The following TYW1B variants were observed in gnomAD, a reference collection of about 807,000 sequenced individuals.
The protein encoded by TYW1B is S-adenosyl-L-methionine-dependent tRNA 4-demethylwyosine synthase TYW1B.
TYW1B carries 73 observed loss-of-function variants against 86.9 expected under a neutral mutation model. That is an observed-to-expected ratio of 0.84 (90% CI 0.70 to 1.02). The LOEUF is 1.02. Among genes scored for constraint, TYW1B ranks in the 50% least tolerant of loss-of-function variants. TYW1B has a pLI of 0.00. For missense variants in TYW1B, 637 were observed against 827.4 expected, an observed-to-expected ratio of 0.77 and a Z score of 2.82; for synonymous variants, 248 against 292.8, an observed-to-expected ratio of 0.85 and a Z score of 1.56.
intron 9 of TYW1B, among the ~76,000 whole-genome samples, chr7:72,722,536 A>C (rs1254156467): frequency 1.3e-5 from 2 of 152,186 alleles, no homozygotes; most frequent in Non-Finnish European, 2.9e-5. Context: ...ATGCAAAGTT[A>C]ATTTTGTATG....
At chr7:72,696,792 T>C (rs1554451586) in intron 10 of TYW1B, among the ~76,000 whole-genome samples, 1 of 152,170 alleles carries the variant, frequency 6.6e-6, no homozygotes, top group African/African-American at 2.4e-5. Flanking sequence ...TCTGACCAAA[T>C]GTAGGACAGA....
At chr7:72,607,393 C>CAAAAAAAAAAAAAAAA (rs57281644) in intron 13 of TYW1B, among the ~76,000 whole-genome samples, 13 of 76,182 alleles carry the variant, frequency 1.7e-4, no homozygotes, top group East Asian at 1.2e-3. Context: ...TTCTGTCTCT[C>CAAAAAAAAAAAAAAAA]AAAAAAAAAA....
At chr7:72,593,776 C>A (rs1261011372) in intron 13 of TYW1B, among the ~76,000 whole-genome samples, 2 of 131,600 alleles carry the variant, frequency 1.5e-5, no homozygotes, top group African/African-American at 5.8e-5. Context: ...GAGCTGAGAT[C>A]ACGCCACTGC....
intron 7 of TYW1B, among the ~76,000 whole-genome samples, chr7:72,751,290 G>A (rs1033310850): frequency 7.9e-5 from 12 of 151,914 alleles, no homozygotes; most frequent in Admixed American, 3.3e-4. Context: ...CACCCGCCTC[G>A]GCCTCCTAAA....
chr7:72,643,573 C>T (rs1215934936), intron 11 of TYW1B, among the ~76,000 whole-genome samples: 1 of 151,166 alleles, frequency 6.6e-6, no homozygotes, highest in Non-Finnish European at 1.5e-5. Flanking sequence ...GGCAACAGAG[C>T]CAGACTCCAT....
At chr7:72,578,104 C>A (rs557877354) in intron 13 of TYW1B, among the ~76,000 whole-genome samples, 11 of 148,294 alleles carry the variant, frequency 7.4e-5, no homozygotes, top group Admixed American at 4.2e-4. Context: ...CCCAGCCTCT[C>A]TTCCTCACCA....
chr7:72,817,648 T>C (rs1253040367), intron 2 of TYW1B, among the ~76,000 whole-genome samples: 3 of 151,970 alleles, frequency 2.0e-5, no homozygotes, highest in East Asian at 1.9e-4. Flanking sequence ...GAACAAAGAA[T>C]TGAAAAAAAT....
chr7:72,789,267 G>A (rs1554473017), intron 6 of TYW1B, among the ~76,000 whole-genome samples: 2 of 152,110 alleles, frequency 1.3e-5, no homozygotes, highest in African/African-American at 4.8e-5. Context: ...CTGAGTAGTT[G>A]GGACTACATG....
chr7:72,673,691 AAC>A (rs1376518997), intron 11 of TYW1B, among the ~76,000 whole-genome samples: 3 of 152,166 alleles, frequency 2.0e-5, no homozygotes, highest in Non-Finnish European at 4.4e-5. Context: ...TTGATAGCAC[AAC>A]AGGTTGACTA....
intron 2 of TYW1B, among the ~76,000 whole-genome samples, chr7:72,824,397 C>T (rs1262590755): frequency 6.6e-6 from 1 of 152,038 alleles, no homozygotes; most frequent in African/African-American, 2.4e-5. Flanking sequence ...GCCAGGAATT[C>T]AAGACCAGCC....
intron 9 of TYW1B, among the ~76,000 whole-genome samples, chr7:72,719,718 G>A (rs1786860930): frequency 6.6e-6 from 1 of 152,010 alleles, no homozygotes; most frequent in East Asian, 1.9e-4. Flanking sequence ...GGTGCCAAGA[G>A]GAAAAAGAGG....
At chr7:72,753,714 C>T (rs1554465508) in intron 7 of TYW1B, among the ~76,000 whole-genome samples, 1 of 152,022 alleles carries the variant, frequency 6.6e-6, no homozygotes, top group Non-Finnish European at 1.5e-5. Flanking sequence ...CTCCTGATCT[C>T]GTGATCCACC....
chr7:72,814,290 TA>T (rs1554478945), intron 3 of TYW1B, among the ~76,000 whole-genome samples: 1 of 151,856 alleles, frequency 6.6e-6, no homozygotes, highest in Admixed American at 6.6e-5. Flanking sequence ...CGTATCTCTA[TA>T]AAAAATCTTT....
intron 6 of TYW1B, among the ~76,000 whole-genome samples, chr7:72,778,855 G>T (rs1788000661): frequency 6.6e-6 from 1 of 152,132 alleles, no homozygotes; most frequent in Non-Finnish European, 1.5e-5. Context: ...CTTGCAGCAT[G>T]CTGGTCTTCT....
intron 6 of TYW1B, among the ~76,000 whole-genome samples, chr7:72,796,106 C>CCAACTAATTTTTTT (rs1788300090): frequency 8.6e-5 from 1 of 11,616 alleles, no homozygotes; most frequent in Non-Finnish European, 2.1e-4. Flanking sequence ...CCATACCCGG[C>CCAACTAATTTTTTT]TGAATCCTTG....
chr7:72,578,270 C>G (rs574348058), intron 13 of TYW1B, among the ~76,000 whole-genome samples: 9 of 152,028 alleles, frequency 5.9e-5, no homozygotes, highest in Non-Finnish European at 1.3e-4. Context: ...ACCACCACCA[C>G]GCCTGGCTAA....
intron 10 of TYW1B, among the ~76,000 whole-genome samples, chr7:72,701,733 G>A (rs1485265253): frequency 3.3e-5 from 5 of 152,052 alleles, no homozygotes; most frequent in African/African-American, 4.8e-5. Context: ...TTGTAAATCC[G>A]ATATTCATTG....
chr7:72,667,300 CAT>C (rs1315896073), intron 11 of TYW1B, among the ~76,000 whole-genome samples: 44 of 152,210 alleles, frequency 2.9e-4, no homozygotes, highest in African/African-American at 9.6e-4. Context: ...TTTTCCTGCA[CAT>C]GTTTTTGTTT....
chr7:72,606,719 G>A (rs1811809538), intron 13 of TYW1B, among the ~76,000 whole-genome samples: 1 of 151,330 alleles, frequency 6.6e-6, no homozygotes, highest in South Asian at 2.1e-4. Context: ...ACGGGAGCCA[G>A]AATTTCTGCC....
Sources: gnomAD v4.1 joint callset for allele counts (sites outside exome capture counted in the v4.1 genomes callset) on GRCh38, gnomAD v4.1.1 for gene constraint, MANE v1.5 for transcripts, NCBI Gene and HGNC (gene_info 2026-07-23, HGNC 2026-07-21) for gene names.